FAM149A: variants seen among roughly 807,000 people sequenced by gnomAD.
The protein encoded by FAM149A is protein FAM149A.
Under a neutral mutation model 78.2 loss-of-function variants are expected in FAM149A, and 71 were observed. The ratio of observed to expected loss-of-function variants is 0.91; its 90% CI spans 0.75 to 1.11. FAM149A has a LOEUF of 1.11. FAM149A is among the 50% of genes least tolerant of loss of function. The pLI is 0.00. For missense variants in FAM149A, 1,036 were observed against 971.0 expected (o/e 1.07, Z -0.89); for synonymous variants, 446 against 410.5 (o/e 1.09, Z -1.04).
intron 1 of FAM149A, among the ~76,000 whole-genome samples, chr4:186,139,600 G>T: frequency 6.6e-6 from 1 of 152,146 alleles, no homozygotes; most frequent in East Asian, 1.9e-4. Context: ...TCAGACCTGT[G>T]GGAGATAGGT....
rs1331535633 is a variant in FAM149A at position 186,104,741 on chromosome 4, C to T, written c.-336C>T. Among the ~76,000 whole-genome samples, 1 of 149,422 alleles carries T rather than the reference C, an allele frequency of 6.7e-6. No homozygotes were observed. The highest frequency in any genetic ancestry group is 1.5e-5 in the Non-Finnish European group (1 of 67,236). On this transcript the variant is annotated 5_prime_UTR_variant, in exon 1 of 14. Transcript: ENST00000389354. ...GGCCGGGTGTGTTGAACGTAGCAACCGCGGGCGGCGGGCGGCGGGCGGCGG... is the reference window on the plus strand; with the variant it reads ...GGCCGGGTGTGTTGAACGTAGCAACTGCGGGCGGCGGGCGGCGGGCGGCGG...
intron 13 of FAM149A, among the ~76,000 whole-genome samples, chr4:186,171,439 T>A (rs932570055): frequency 6.6e-6 from 1 of 152,160 alleles, no homozygotes; most frequent in African/African-American, 2.4e-5. Context: ...GCACATGACC[T>A]CCTTGCTACC....
At chr4:186,126,476 C>T (rs2099318370) in intron 1 of FAM149A, among the ~76,000 whole-genome samples, 1 of 152,184 alleles carries the variant, frequency 6.6e-6, no homozygotes. Flanking sequence ...TGAGAGTGGG[C>T]ATCATCTAAT....
intron 8 of FAM149A, chr4:186,158,404 T>A: frequency 3.4e-6 from 4 of 1,192,150 alleles, no homozygotes; most frequent in Non-Finnish European, 4.2e-6. Context: ...CCTGAAGGGG[T>A]GGCTGCTGGC....
chr4:186,123,297 T>C, intron 1 of FAM149A: 7 of 985,350 alleles, frequency 7.1e-6, no homozygotes, highest in Non-Finnish European at 8.4e-6. Flanking sequence ...ATGTAGTTTA[T>C]ACAGTTAAAA....
intron 1 of FAM149A, among the ~76,000 whole-genome samples, chr4:186,115,937 C>T (rs201053878): frequency 3.0e-4 from 1 of 3,286 alleles, no homozygotes; most frequent in African/African-American, 3.2e-4. Context: ...TCGAGCTTCC[C>T]GGCTGCTTTG....
At chr4:186,153,286 A>C (rs1032644724) in intron 4 of FAM149A, 7 of 957,188 alleles carry the variant, frequency 7.3e-6, no homozygotes, top group Admixed American at 6.2e-5. Flanking sequence ...ACTGTGTATT[A>C]GTTAATATGT....
At chr4:186,116,938 A>G (rs1447098767) in intron 1 of FAM149A, 1 of 186,542 alleles carries the variant, frequency 5.4e-6, no homozygotes, top group Non-Finnish European at 1.0e-5. Flanking sequence ...TATAGTTTTT[A>G]GAGCACAGAT....
At chr4:186,133,257 G>A in intron 1 of FAM149A, 5 of 927,392 alleles carry the variant, frequency 5.4e-6, no homozygotes, top group Non-Finnish European at 6.4e-6. Context: ...GTGGCATTAA[G>A]TACCACATTC....
At chr4:186,171,033 T>A (rs1301637176) in intron 13 of FAM149A, 1 of 152,404 alleles carries the variant, frequency 6.6e-6, no homozygotes. Context: ...ACCACATCTT[T>A]CTGCGGTCCT....
At chr4:186,158,793 A>G (rs1734280776) in intron 8 of FAM149A, 1 of 1,023,030 alleles carries the variant, frequency 9.8e-7, no homozygotes, top group East Asian at 1.0e-4. Context: ...CCTGTTCTGC[A>G]GCTCCCAATG....
Position 186,169,530 on chromosome 4 carries a change from C to T in FAM149A, c.2218+2268C>T, listed in dbSNP as rs897332744. 6 of 985,338 alleles carry T rather than the reference C, an allele frequency of 6.1e-6. No individual in the cohort carries two copies. The African/African-American group carries it at 8.7e-5, about 14-fold the overall frequency. 61.0% of individuals were successfully genotyped at this position (985,338 alleles called of 1,614,324 possible). ...AAAGCTCTTTCTTTCCTCCTGAGCA[C>T]TCTGTCAACGTCAGCCCACCACGCT... On this transcript the variant is annotated intron_variant, in intron 13 of 13. Coordinates refer to ENST00000389354, the MANE Select transcript of FAM149A (RefSeq NM_001367768.3).
At chr4:186,145,632 C>T (rs140852876) in intron 1 of FAM149A, among the ~76,000 whole-genome samples, 1 of 152,270 alleles carries the variant, frequency 6.6e-6, no homozygotes, top group East Asian at 1.9e-4. Flanking sequence ...TTGGAACTCA[C>T]CCTTAACCTC....
chr4:186,125,765 A>G, intron 1 of FAM149A: 2 of 985,376 alleles, frequency 2.0e-6, no homozygotes, highest in Non-Finnish European at 2.4e-6. Context: ...GGCAAAGAAC[A>G]GAGAGGCCGT....
chr4:186,145,834 T>C (rs1732996038), intron 1 of FAM149A, among the ~76,000 whole-genome samples: 1 of 152,214 alleles, frequency 6.6e-6, no homozygotes, highest in Non-Finnish European at 1.5e-5. Context: ...ACCTGTGGGA[T>C]GCATCCTGTA....
At position 186,144,624 on chromosome 4, in the gene FAM149A, A is replaced by C; in HGVS notation, c.567-4549A>C. On this transcript the variant is annotated intron_variant, in intron 1 of 13. Transcript: ENST00000389354. The surrounding 1 kb of genome is among the most constrained non-coding windows in gnomAD (Gnocchi z 4.2). ...AGCCCCCGGCCCCAGAGACCCGGGA[A>C]GGAGTAGGGAGGCCGGGCCGTGCGC... 3 of 165,476 alleles carry C rather than the reference A, an allele frequency of 1.8e-5. No homozygotes were observed. Among genetic ancestry groups the C allele is most frequent in the Non-Finnish European group, 3.8e-5 (3 of 79,868 alleles). The allele number at this position is 165,476 out of a possible 1,614,324, so 10.3% of individuals were successfully genotyped here.
chr4:186,113,347 C>A (rs1233590792), intron 1 of FAM149A, among the ~76,000 whole-genome samples: 1 of 116,412 alleles, frequency 8.6e-6, no homozygotes, highest in African/African-American at 3.3e-5. Flanking sequence ...AAAACCAGCT[C>A]CTGGATTCAT....
intron 1 of FAM149A, among the ~76,000 whole-genome samples, chr4:186,108,030 C>T (rs1454110712): frequency 6.6e-6 from 1 of 152,182 alleles, no homozygotes; most frequent in African/African-American, 2.4e-5. Context: ...GATTCTTTTT[C>T]CCTCCTGGAT....
At chr4:186,130,103 C>A (rs1215435620) in intron 1 of FAM149A, 10 of 151,890 alleles carry the variant, frequency 6.6e-5, no homozygotes, top group Admixed American at 1.3e-4. Context: ...GTGTTTTTTG[C>A]CATTCCTGTC....
Sources: allele counts gnomAD v4.1 joint callset (sites outside exome capture counted in the v4.1 genomes callset), GRCh38; gene constraint gnomAD v4.1.1; non-coding constraint Gnocchi (gnomAD v3.1); transcripts MANE v1.5; gene names NCBI Gene and HGNC (gene_info 2026-07-23, HGNC 2026-07-21).